SLC28A1: variants seen among roughly 807,000 people sequenced by gnomAD.
SLC28A1 encodes sodium/nucleoside cotransporter 1.
SLC28A1 carries 64 observed loss-of-function variants against 74.8 expected under a neutral mutation model. The ratio of observed to expected loss-of-function variants is 0.86; its 90% CI spans 0.70 to 1.05. The LOEUF (loss-of-function observed/expected upper bound fraction) is 1.05, where lower values mean the gene tolerates loss of function less well. Ranked by LOEUF, SLC28A1 falls within the 50% of genes least tolerant of loss-of-function variation. The pLI is 0.00. For synonymous variants in SLC28A1, 359 were observed against 335.0 expected, an observed-to-expected ratio of 1.07 and a Z score of -0.78; for missense variants, 828 against 822.8, an observed-to-expected ratio of 1.01 and a Z score of -0.08.
intron 8 of SLC28A1, among the ~76,000 whole-genome samples, chr15:84,906,829 T>C (rs1038156287): frequency 6.6e-6 from 1 of 152,166 alleles, no homozygotes; most frequent in Non-Finnish European, 1.5e-5. Flanking sequence ...ATTAAATTCA[T>C]GCACACTTGT....
At chr15:84,937,723 G>A (rs1052001943) in intron 15 of SLC28A1, among the ~76,000 whole-genome samples, 2 of 151,826 alleles carry the variant, frequency 1.3e-5, no homozygotes, top group Non-Finnish European at 2.9e-5. Context: ...CCAACATAGC[G>A]AAACCCCTTC....
At chr15:84,918,770 A>G (rs1007407197) in intron 10 of SLC28A1, among the ~76,000 whole-genome samples, 166 bp downstream of exon 10, 4 of 151,726 alleles carry the variant, frequency 2.6e-5, no homozygotes, top group Non-Finnish European at 4.4e-5. Flanking sequence ...CCACCTTCCC[A>G]GAATCCCCAG....
At chr15:84,946,081 TGTTC>T (rs1377232958), downstream of SLC28A1, among the ~76,000 whole-genome samples, 10 of 43,828 alleles carry the variant, frequency 2.3e-4, no homozygotes, top group East Asian at 1.1e-3. Flanking sequence ...TGTGTGTGTA[TGTTC>T]ATATATATAT....
chr15:84,952,605 G>A, the SLC28A1 span, among the ~76,000 whole-genome samples: 34 of 152,342 alleles, frequency 2.2e-4, no homozygotes, highest in Middle Eastern at 3.4e-3. Context: ...CAGAAAAGTC[G>A]CCGGGCACGG....
chr15:84,916,242 T>TGAGCCACCATGCCTGGCC (rs1351532603), intron 9 of SLC28A1, among the ~76,000 whole-genome samples: 2 of 57,896 alleles, frequency 3.5e-5, no homozygotes, highest in African/African-American at 7.7e-5. Flanking sequence ...TGGGATTACT[T>TGAGCCACCATGCCTGGCC]TTTTTTTTTT....
the SLC28A1 span, chr15:84,961,438 C>T: frequency 2.3e-6 from 1 of 443,886 alleles, no homozygotes; most frequent in African/African-American, 2.0e-5. Context: ...CTCAAGGGAT[C>T]TTCCTACCTC....
intron 15 of SLC28A1, 35 bp from the exon 16 acceptor site, chr15:84,943,410 G>A (rs769289097): frequency 6.5e-6 from 10 of 1,538,864 alleles, no homozygotes; most frequent in Non-Finnish European, 9.0e-6. Flanking sequence ...CCCATCTGAG[G>A]GGAGCCCCTC....
chr15:84,924,304 G>A (rs1025704534), intron 12 of SLC28A1, among the ~76,000 whole-genome samples, 194 bp downstream of exon 12: 1 of 151,882 alleles, frequency 6.6e-6, no homozygotes, highest in African/African-American at 2.4e-5. Flanking sequence ...GCCACCTGGG[G>A]CAAAGCTTCC....
intron 13 of SLC28A1, among the ~76,000 whole-genome samples, 160 bp from the exon 14 acceptor site, chr15:84,934,866 G>A (rs992045734): frequency 2.0e-5 from 3 of 152,044 alleles, no homozygotes; most frequent in African/African-American, 4.8e-5. Context: ...ATCTTATCCC[G>A]GTGCTTTGAC....
At chr15:84,924,252 T>A in intron 12 of SLC28A1, 142 bp downstream of exon 12, 1 of 1,024,528 alleles carries the variant, frequency 9.8e-7, no homozygotes, top group South Asian at 1.3e-5. Flanking sequence ...TGGCTTCCCC[T>A]GAGCCCAGTG....
In SLC28A1 at chr15:84,904,283, C is replaced by G. The variant is rs763435042; in HGVS notation, c.603+45C>G. On this transcript the variant is annotated intron_variant, in intron 7 of 18. Transcript: ENST00000394573. Reference sequence around the variant, plus strand: ...CCCAGGGCTGGAAGTGTTTGCCTCTCTCTTCTGCCCCTAGGCTGGATCTGG... The same window carrying G: ...CCCAGGGCTGGAAGTGTTTGCCTCTGTCTTCTGCCCCTAGGCTGGATCTGG... The G allele has an allele frequency of 1.9e-6, 3 of 1,611,112 alleles. No individual in the cohort carries two copies. The South Asian group carries it at 3.3e-5, about 18-fold the overall frequency.
At chr15:84,947,781 AC>A (rs954770043), downstream of SLC28A1, among the ~76,000 whole-genome samples, 10 of 151,248 alleles carry the variant, frequency 6.6e-5, no homozygotes, top group Middle Eastern at 3.4e-3. Context: ...CCTCCCAAAG[AC>A]CCCCCCTCCT....
downstream of SLC28A1, among the ~76,000 whole-genome samples, chr15:84,946,112 A>ATATATT (rs57190791): frequency 2.2e-4 from 3 of 13,476 alleles, no homozygotes; most frequent in South Asian, 5.8e-3. Flanking sequence ...ATATATATAT[A>ATATATT]TTTTTTTTTT....
At chr15:84,900,482 A>T (rs1475437808) in intron 6 of SLC28A1, among the ~76,000 whole-genome samples, 1 of 151,874 alleles carries the variant, frequency 6.6e-6, no homozygotes, top group Non-Finnish European at 1.5e-5. Flanking sequence ...GGAAAATGCT[A>T]CTAGACAGAA....
chr15:84,933,219 C>T lies in SLC28A1; in HGVS notation c.1158C>T (p.Tyr386=). The part of the protein sequence containing the change: ...PCALALSKLV[Y]PEVEESKFRR... ...CCTTGGCCCTCTCCAAGCTGGTCTACCCGGAGGTGGAGGAGTCCAAGTTTA... is the reference window on the plus strand; with the variant it reads ...CCTTGGCCCTCTCCAAGCTGGTCTATCCGGAGGTGGAGGAGTCCAAGTTTA... Residue 386 remains tyrosine, a synonymous_variant, in exon 13 of 19, where the codon TAC becomes TAT. Coordinates refer to ENST00000394573, the MANE Select transcript of SLC28A1 (RefSeq NM_004213.5). 6.2e-7 allele frequency: 1 copy of T among 1,613,798 alleles called. No individual in the cohort carries two copies. The highest frequency in any genetic ancestry group is 1.3e-5 in the African/African-American group (1 of 75,002).
intron 6 of SLC28A1, 104 bp from the exon 7 acceptor site, chr15:84,903,993 T>C (rs1966851578): frequency 8.7e-6 from 13 of 1,498,738 alleles, no homozygotes; most frequent in Admixed American, 1.7e-5. Context: ...TTTCTCCTCC[T>C]CCCAGCCCTG....
At chr15:84,906,560 CTTTCTCTTT>C (rs1967218652) in intron 8 of SLC28A1, among the ~76,000 whole-genome samples, 7 of 83,918 alleles carry the variant, frequency 8.3e-5, no homozygotes, top group African/African-American at 3.1e-4. Context: ...TTCTTTCTTT[CTTTCTCTTT>C]CTTTCTTCCT....
At chr15:84,902,086 C>T (rs35876677) in intron 6 of SLC28A1, among the ~76,000 whole-genome samples, 4,577 of 151,628 alleles carry the variant, frequency 0.03, 101 homozygotes, top group Middle Eastern at 0.058. Flanking sequence ...AATAATTACA[C>T]TAAGTGAAAG....
chr15:84,908,178 C>CTTTTTTTTTTTTTTT (rs71135328), intron 8 of SLC28A1, among the ~76,000 whole-genome samples: 2 of 91,358 alleles, frequency 2.2e-5, no homozygotes, highest in Non-Finnish European at 1.9e-5. Context: ...CAGAGCATTT[C>CTTTTTTTTTTTTTTT]TTTTTTTTTT....
Sources: allele counts gnomAD v4.1 joint callset (sites outside exome capture counted in the v4.1 genomes callset), GRCh38; gene constraint gnomAD v4.1.1; transcripts MANE v1.5; gene names NCBI Gene and HGNC (gene_info 2026-07-23, HGNC 2026-07-21).